Variants in AMPH observed in about 807,000 individuals in gnomAD.
AMPH encodes the protein amphiphysin, also known as amphiphysin (Stiff-Mann syndrome with breast cancer 128kD autoantigen).
AMPH carries 49 observed loss-of-function variants against 99.1 expected under a neutral mutation model. That is an observed-to-expected ratio of 0.49 (90% CI 0.39 to 0.63). AMPH has a LOEUF of 0.63. AMPH is among the 20% of genes least tolerant of loss of function. AMPH has a pLI of 0.00. For missense variants in AMPH, 759 were observed against 863.4 expected (o/e 0.88, Z 1.52); for synonymous variants, 314 against 317.3 (o/e 0.99, Z 0.11).
chr7:38,584,712 C>A (rs1792583527), intron 1 of AMPH, among the ~76,000 whole-genome samples: 1 of 152,200 alleles, frequency 6.6e-6, no homozygotes, highest in Admixed American at 6.5e-5. Flanking sequence ...TCAACATTCC[C>A]AGGCATCAGC....
chr7:38,546,861 T>C (rs1349884723), intron 1 of AMPH, among the ~76,000 whole-genome samples: 1 of 152,194 alleles, frequency 6.6e-6, no homozygotes, highest in African/African-American at 2.4e-5. Context: ...TTCTCTCCAG[T>C]TGCCCCTCCA....
chr7:38,563,163 A>ATGAATGAG (rs1287300984), intron 1 of AMPH, among the ~76,000 whole-genome samples: 2 of 151,832 alleles, frequency 1.3e-5, no homozygotes, highest in African/African-American at 4.8e-5. Flanking sequence ...GAATGAATGA[A>ATGAATGAG]TGAGTGAATG....
At chr7:38,612,264 C>T (rs576846544) in intron 1 of AMPH, among the ~76,000 whole-genome samples, 4 of 151,786 alleles carry the variant, frequency 2.6e-5, no homozygotes, top group African/African-American at 7.3e-5. Flanking sequence ...TTAGTACAGA[C>T]GGGGATTTTC....
intron 17 of AMPH, among the ~76,000 whole-genome samples, chr7:38,400,653 G>A (rs1234965720): frequency 2.0e-5 from 3 of 152,228 alleles, no homozygotes; most frequent in Non-Finnish European, 2.9e-5. Flanking sequence ...ACATGTCAGA[G>A]TAGTGATAGG....
chr7:38,409,976 T>C (rs1431161407), intron 17 of AMPH, among the ~76,000 whole-genome samples: 1 of 152,242 alleles, frequency 6.6e-6, no homozygotes, highest in East Asian at 1.9e-4. Flanking sequence ...TACCATGTAT[T>C]GTTCTCTCTC....
chr7:38,466,212 G>A lies in AMPH; in HGVS notation c.627C>T (p.Val209=). 2 of 1,594,760 alleles carry A rather than the reference G, an allele frequency of 1.3e-6. No individual in the cohort carries two copies. The highest frequency in any genetic ancestry group is 8.5e-7 in the Non-Finnish European group (1 of 1,174,618). The change falls in exon 8 of 21, where the codon GTC becomes GTT. Residue 209 remains valine, a synonymous_variant. Transcript: ENST00000356264. The part of the protein sequence containing the change: ...VGFYVNTFKN[V]SSLEAKFHKE... ...TATGAAACTTGGCTTCAAGGCTGGA[G>A]ACGTTTTTGAAAGTATTAACATAAA...
chr7:38,578,827 A>G (rs56113147), intron 1 of AMPH, among the ~76,000 whole-genome samples: 42,833 of 152,000 alleles, frequency 0.28, 6,437 homozygotes, highest in Non-Finnish European at 0.34. Flanking sequence ...TGTCAATATA[A>G]TAACATCTTA....
At chr7:38,565,123 CAAAA>C (rs35508498) in intron 1 of AMPH, among the ~76,000 whole-genome samples, 5 of 125,486 alleles carry the variant, frequency 4.0e-5, no homozygotes, top group Admixed American at 7.8e-5. Context: ...GACTCCGTCT[CAAAA>C]AAAAAAAAAA....
chr7:38,429,408 C>T, intron 14 of AMPH: 1 of 1,292,344 alleles, frequency 7.7e-7, no homozygotes, highest in African/African-American at 1.5e-5. Flanking sequence ...AGAGTCTTCT[C>T]CAAACCCACC....
At chr7:38,470,115 C>T (rs1787823542) in intron 7 of AMPH, among the ~76,000 whole-genome samples, 1 of 152,194 alleles carries the variant, frequency 6.6e-6, no homozygotes, top group South Asian at 2.1e-4. Flanking sequence ...TATCAACACC[C>T]TTCCTCCTTG....
intron 1 of AMPH, among the ~76,000 whole-genome samples, chr7:38,586,246 G>C (rs28413813): frequency 0.28 from 42,772 of 151,976 alleles, 6,421 homozygotes; most frequent in Non-Finnish European, 0.34. Context: ...CCCACAAACC[G>C]TTTACCCAGC....
At chr7:38,613,844 C>T (rs1793769874) in intron 1 of AMPH, among the ~76,000 whole-genome samples, 1 of 151,386 alleles carries the variant, frequency 6.6e-6, no homozygotes, top group African/African-American at 2.4e-5. Flanking sequence ...ATATAGAAGT[C>T]TCCTGCTTCC....
At chr7:38,511,736 T>C (rs1789550076) in intron 2 of AMPH, among the ~76,000 whole-genome samples, 1 of 152,218 alleles carries the variant, frequency 6.6e-6, no homozygotes. Flanking sequence ...TTGTAGAAAG[T>C]CTTCAATATA....
chr7:38,542,113 C>T (rs1790829075), intron 1 of AMPH, among the ~76,000 whole-genome samples: 1 of 152,184 alleles, frequency 6.6e-6, no homozygotes, highest in East Asian at 1.9e-4. Flanking sequence ...GATTTGAGTC[C>T]TAGCATCCAA....
At chr7:38,418,071 T>C in intron 16 of AMPH, 121 bp from the exon 17 acceptor site, 1 of 1,190,670 alleles carries the variant, frequency 8.4e-7, no homozygotes, top group Non-Finnish European at 1.2e-6. Flanking sequence ...CTTCATGAAA[T>C]CCGTGCTGGA....
intron 17 of AMPH, among the ~76,000 whole-genome samples, chr7:38,398,751 C>G (rs1784757829): frequency 6.6e-6 from 1 of 152,136 alleles, no homozygotes; most frequent in South Asian, 2.1e-4. Flanking sequence ...TATATTTACC[C>G]TGAGGTAATT....
chr7:38,519,844 T>C (rs1489308573), intron 2 of AMPH, among the ~76,000 whole-genome samples: 1 of 152,184 alleles, frequency 6.6e-6, no homozygotes, highest in East Asian at 1.9e-4. Context: ...ATTGCAGTAC[T>C]ATTGACAACA....
At chr7:38,566,884 C>T (rs1336077326) in intron 1 of AMPH, among the ~76,000 whole-genome samples, 1 of 152,002 alleles carries the variant, frequency 6.6e-6, no homozygotes, top group Non-Finnish European at 1.5e-5. Flanking sequence ...AAAAGTCAGG[C>T]AACAACAGAT....
chr7:38,582,381 G>C (rs1004288177), intron 1 of AMPH, among the ~76,000 whole-genome samples: 1 of 152,128 alleles, frequency 6.6e-6, no homozygotes, highest in Non-Finnish European at 1.5e-5. Flanking sequence ...AGATAGAAGA[G>C]GAGAAATAAA....
Sources: gnomAD v4.1 joint callset for allele counts (sites outside exome capture counted in the v4.1 genomes callset) on GRCh38, gnomAD v4.1.1 for gene constraint, MANE v1.5 for transcripts, NCBI Gene and HGNC (gene_info 2026-07-23, HGNC 2026-07-21) for gene names.